Variants in AHCTF1 observed in about 807,000 individuals in gnomAD.
The protein encoded by AHCTF1 is protein ELYS.
AHCTF1 carries 24 observed loss-of-function variants against 248.4 expected under a neutral mutation model. That is an observed-to-expected ratio of 0.10 (90% CI 0.07 to 0.14). The LOEUF is 0.14. Ranked by LOEUF, AHCTF1 falls within the 10% of genes least tolerant of loss-of-function variation. The pLI is 1.00. For synonymous variants in AHCTF1, 786 were observed against 929.8 expected, an observed-to-expected ratio of 0.85 and a Z score of 2.81; for missense variants, 2,206 against 2,636.2, an observed-to-expected ratio of 0.84 and a Z score of 3.57.
intron 31 of AHCTF1, among the ~76,000 whole-genome samples, chr1:246,853,960 A>C (rs999301565): frequency 1.3e-5 from 2 of 152,200 alleles, no homozygotes; most frequent in Non-Finnish European, 2.9e-5. Context: ...CTTCTCATCA[A>C]ATACATAAAA....
At position 246,900,129 on chromosome 1, in the gene AHCTF1, A is replaced by G. The variant is rs768316855; in HGVS notation, c.1368T>C (p.Asn456=). 23 of 1,609,056 alleles carry G rather than the reference A, an allele frequency of 1.4e-5. No homozygotes were observed. In the African/African-American group the frequency reaches 1.9e-4, roughly 13 times the overall value. ...LDILVHERSL[N]RGVPPSYPPP... ...GTGGATATGAAGGAGGGACTCCTCT[A>G]TTTAAACTTCTCTCATGTACTAATA... Residue 456 remains asparagine (N), a synonymous_variant, in exon 10 of 36, where the codon AAT becomes AAC. Transcript: ENST00000648844.
chr1:246,893,275 A>G (rs1664344527), intron 14 of AHCTF1, among the ~76,000 whole-genome samples: 1 of 152,224 alleles, frequency 6.6e-6, no homozygotes, highest in Non-Finnish European at 1.5e-5. Flanking sequence ...TTATTTCATG[A>G]CAACAGTTTC....
rs771006965 is a variant in AHCTF1 at position 246,888,536 on chromosome 1, T to A, written c.2145-19A>T. The stretch of plus-strand genomic sequence containing the variant: ...CTTCCCTCTGCAATCAGGGAAAAAT[T>A]AAGACTTATTTAATATCACTGTTAA... On this transcript the variant is annotated intron_variant, in intron 17 of 35. Coordinates refer to ENST00000648844, the MANE Select transcript of AHCTF1 (RefSeq NM_001323342.2). The A allele has an allele frequency of 6.2e-7, 1 of 1,612,374 alleles. No individual in the cohort carries two copies. The highest frequency in any genetic ancestry group is 2.2e-5 in the East Asian group (1 of 44,854).
chr1:246,903,852 A>C lies in AHCTF1; in HGVS notation c.966+97T>G. On this transcript the variant is annotated intron_variant, in intron 7 of 35. Transcript: ENST00000648844. ...GACTCTGTCTCAAAAAAAAAAAAAA[A>C]AAGAATCACTTTTCAATATCTTAAA... is the stretch of plus-strand genomic sequence containing the variant. 2.9e-6 allele frequency: 3 copies of C among 1,042,682 alleles called. No homozygotes were observed. In the South Asian group the frequency reaches 4.6e-5, roughly 16 times the overall value. The allele number at this position is 1,042,682 out of a possible 1,614,324, so 64.6% of individuals were successfully genotyped here. A position where few individuals can be genotyped will look rare whatever the true frequency, so the allele number is the denominator to read the frequency against.
At position 246,887,089 on chromosome 1, in the gene AHCTF1, G is replaced by C. The variant is rs957087131; in HGVS notation, c.2472+122C>G. 3.7e-6 allele frequency: 4 copies of C among 1,093,594 alleles called. No homozygotes were observed. The African/African-American group carries it at 4.8e-5, about 13-fold the overall frequency. 67.7% of individuals were successfully genotyped at this position (1,093,594 alleles called of 1,614,324 possible). A position where few individuals can be genotyped will look rare whatever the true frequency, so the allele number is the denominator to read the frequency against. On this transcript the variant is annotated intron_variant, in intron 20 of 35. Coordinates refer to ENST00000648844, the MANE Select transcript of AHCTF1 (RefSeq NM_001323342.2). The stretch of plus-strand genomic sequence containing the variant: ...CTTGGTAAAGGTACTGATTAAACTG[G>C]GTCCTTCCTCAACTATTTTTAGTAG...
At chr1:246,903,657 C>G (rs1173678305) in intron 7 of AHCTF1, among the ~76,000 whole-genome samples, 3 of 115,288 alleles carry the variant, frequency 2.6e-5, no homozygotes, top group Non-Finnish European at 5.4e-5. Context: ...GTGAGACCCC[C>G]CCCCCTCCGT....
intron 21 of AHCTF1, among the ~76,000 whole-genome samples, chr1:246,883,055 C>A (rs1403711577): frequency 6.6e-6 from 1 of 152,126 alleles, no homozygotes; most frequent in South Asian, 2.1e-4. Context: ...TGTAAGGGTG[C>A]AAATTAATAA....
intron 30 of AHCTF1, among the ~76,000 whole-genome samples, chr1:246,856,471 A>C (rs964881063): frequency 6.6e-6 from 1 of 152,230 alleles, no homozygotes; most frequent in African/African-American, 2.4e-5. Context: ...ACATCACCAC[A>C]AAATATCAAA....
intron 2 of AHCTF1, among the ~76,000 whole-genome samples, chr1:246,917,455 G>A (rs1042395129): frequency 5.9e-5 from 9 of 151,884 alleles, no homozygotes; most frequent in South Asian, 2.1e-4. Context: ...GTCTGAGAAC[G>A]CCAAGGTTCC....
chr1:246,920,572 C>T (rs1363745442), intron 1 of AHCTF1, among the ~76,000 whole-genome samples: 1 of 150,986 alleles, frequency 6.6e-6, no homozygotes, highest in African/African-American at 2.4e-5. Flanking sequence ...AGATCGAGAC[C>T]ATCCTGGCTA....
chr1:246,842,537 AC>A (rs1355854078), intron 35 of AHCTF1, among the ~76,000 whole-genome samples, 156 bp downstream of exon 35: 2 of 152,112 alleles, frequency 1.3e-5, no homozygotes, highest in South Asian at 4.1e-4. Context: ...AGCCGAAATC[AC>A]ACCACTGCAC....
chr1:246,879,102 C>A, intron 21 of AHCTF1, among the ~76,000 whole-genome samples: 1 of 152,026 alleles, frequency 6.6e-6, no homozygotes, highest in East Asian at 1.9e-4. Flanking sequence ...CTAATGCATA[C>A]AAAGCGGCTA....
chr1:246,929,028 A>G (rs1267861855), intron 1 of AHCTF1, among the ~76,000 whole-genome samples: 2 of 152,200 alleles, frequency 1.3e-5, no homozygotes, highest in Non-Finnish European at 2.9e-5. Context: ...CAATTATCAG[A>G]GTATCAGACA....
At chr1:246,908,527 T>C (rs1665555045) in intron 4 of AHCTF1, among the ~76,000 whole-genome samples, 1 of 151,916 alleles carries the variant, frequency 6.6e-6, no homozygotes, top group Non-Finnish European at 1.5e-5. Flanking sequence ...AATGAGAAAA[T>C]TATTCTTTAC....
intron 12 of AHCTF1, among the ~76,000 whole-genome samples, chr1:246,896,291 T>C (rs1288272284): frequency 1.3e-5 from 2 of 152,284 alleles, no homozygotes; most frequent in East Asian, 3.9e-4. Flanking sequence ...CCATTATTAA[T>C]AGCCATAAAG....
At chr1:246,854,445 T>C (rs910288698) in intron 31 of AHCTF1, among the ~76,000 whole-genome samples, 3 of 152,122 alleles carry the variant, frequency 2.0e-5, no homozygotes, top group East Asian at 1.9e-4. Flanking sequence ...AAAATGGTGA[T>C]TGGCCCAAAT....
intron 21 of AHCTF1, among the ~76,000 whole-genome samples, chr1:246,881,144 G>C (rs1301788683): frequency 6.6e-6 from 1 of 152,006 alleles, no homozygotes; most frequent in African/African-American, 2.4e-5. Context: ...AAAAAGACTG[G>C]GGAAATATAC....
intron 12 of AHCTF1, among the ~76,000 whole-genome samples, chr1:246,897,832 G>T (rs1365185646): frequency 6.6e-6 from 1 of 151,658 alleles, no homozygotes; most frequent in Non-Finnish European, 1.5e-5. Context: ...AAAAAAAAGG[G>T]CTAAGCATAG....
chr1:246,877,416 T>C (rs907951447), intron 21 of AHCTF1, 114 bp from the exon 22 acceptor site: 3 of 1,172,134 alleles, frequency 2.6e-6, no homozygotes, highest in Non-Finnish European at 1.1e-6. Flanking sequence ...TTATAAATAA[T>C]TGAAAAGTAC....
Sources: gnomAD v4.1 joint callset for allele counts (sites outside exome capture counted in the v4.1 genomes callset) on GRCh38, gnomAD v4.1.1 for gene constraint, MANE v1.5 for transcripts, NCBI Gene and HGNC (gene_info 2026-07-23, HGNC 2026-07-21) for gene names.